Variants in CIMAP1D observed in about 807,000 individuals in gnomAD.
CIMAP1D encodes the protein protein CIMAP1D.
At chr19:481,770 CTTTT>C in the CIMAP1D span, among the ~76,000 whole-genome samples, 8 of 106,760 alleles carry the variant, frequency 7.5e-5, no homozygotes, top group Admixed American at 2.9e-4. Context: ...GAACCTCCTA[CTTTT>C]TTTTTTTTTT....
chr19:488,047 A>T, the CIMAP1D span, among the ~76,000 whole-genome samples: 5 of 151,868 alleles, frequency 3.3e-5, no homozygotes, highest in Admixed American at 6.6e-5. Context: ...CGACCCTCTC[A>T]CGCGGACCCC....
At chr19:464,104 G>A in the CIMAP1D span, 3 of 1,298,140 alleles carry the variant, frequency 2.3e-6, no homozygotes, top group Non-Finnish European at 2.0e-6. Context: ...TACTGGCCCG[G>A]GCCTGGTATC....
chr19:471,800 T>A, the CIMAP1D span, among the ~76,000 whole-genome samples: 8 of 151,980 alleles, frequency 5.3e-5, no homozygotes, highest in African/African-American at 1.9e-4. Context: ...TGGAGTGCAG[T>A]GGCGCCATCT....
At chr19:483,024 C>T in the CIMAP1D span, among the ~76,000 whole-genome samples, 13 of 152,296 alleles carry the variant, frequency 8.5e-5, no homozygotes, top group African/African-American at 2.4e-4. Context: ...CTCTGAAAAA[C>T]GGGCATATGT....
the CIMAP1D span, among the ~76,000 whole-genome samples, chr19:486,224 G>A: frequency 6.6e-6 from 1 of 152,154 alleles, no homozygotes; most frequent in African/African-American, 2.4e-5. Flanking sequence ...GCTGGAGAGG[G>A]GTCCTAGTGG....
the CIMAP1D span, among the ~76,000 whole-genome samples, chr19:471,763 G>C: frequency 1.3e-5 from 2 of 148,588 alleles, no homozygotes; most frequent in African/African-American, 5.0e-5. Flanking sequence ...TCTTTTTAGA[G>C]ACAGAGTCTC....
the CIMAP1D span, among the ~76,000 whole-genome samples, chr19:483,172 C>T: frequency 3.9e-5 from 6 of 152,044 alleles, no homozygotes; most frequent in Admixed American, 1.3e-4. Context: ...CCCCTGGGGC[C>T]GCTTCCTGGA....
At chr19:487,318 G>A in the CIMAP1D span, among the ~76,000 whole-genome samples, 1 of 152,138 alleles carries the variant, frequency 6.6e-6, no homozygotes, top group Non-Finnish European at 1.5e-5. Flanking sequence ...TGGAGAGCCA[G>A]CTGTTCAACA....
At chr19:487,339 C>G in the CIMAP1D span, among the ~76,000 whole-genome samples, 1 of 152,170 alleles carries the variant, frequency 6.6e-6, no homozygotes, top group African/African-American at 2.4e-5. Context: ...TTTCTCCGCA[C>G]AGCACCACTT....
At chr19:464,201 G>T in the CIMAP1D span, 3 of 1,513,596 alleles carry the variant, frequency 2.0e-6, no homozygotes, top group Non-Finnish European at 2.7e-6. Flanking sequence ...AGATCTGTGA[G>T]CCCCACAGAG....
At chr19:469,557 G>A in the CIMAP1D span, among the ~76,000 whole-genome samples, 1 of 152,092 alleles carries the variant, frequency 6.6e-6, no homozygotes, top group African/African-American at 2.4e-5. Flanking sequence ...GGGCGTGGTG[G>A]CGGGCGCCTG....
chr19:470,241 C>G, the CIMAP1D span, among the ~76,000 whole-genome samples: 1 of 146,342 alleles, frequency 6.8e-6, no homozygotes, highest in Non-Finnish European at 1.5e-5. Context: ...GAGTCTCGCT[C>G]TCTCACCCAG....
At chr19:469,223 C>T in the CIMAP1D span, among the ~76,000 whole-genome samples, 29,320 of 143,210 alleles carry the variant, frequency 0.2, 5,497 homozygotes, top group African/African-American at 0.47. Flanking sequence ...TGGGGAGATT[C>T]TTTTTTTTTT....
At chr19:480,476 G>GGGGAAGGATGAT in the CIMAP1D span, among the ~76,000 whole-genome samples, 3,036 of 143,512 alleles carry the variant, frequency 0.021, 261 homozygotes, top group South Asian at 0.16. Flanking sequence ...GAAGGATGAT[G>GGGGAAGGATGAT]GGGAAGGATG....
chr19:485,887 C>T, the CIMAP1D span, among the ~76,000 whole-genome samples: 2 of 152,238 alleles, frequency 1.3e-5, no homozygotes, highest in African/African-American at 4.8e-5. Flanking sequence ...ATCTGCCACT[C>T]CCCACTTCCC....
At chr19:485,899 G>A in the CIMAP1D span, among the ~76,000 whole-genome samples, 2 of 152,162 alleles carry the variant, frequency 1.3e-5, no homozygotes, top group African/African-American at 4.8e-5. Flanking sequence ...CCACTTCCCT[G>A]AGGCTGCTCA....
chr19:477,701 C>T, the CIMAP1D span, among the ~76,000 whole-genome samples: 1 of 152,220 alleles, frequency 6.6e-6, no homozygotes, highest in Non-Finnish European at 1.5e-5. Context: ...CTCGCTCTGT[C>T]GCCCAGGCTG....
the CIMAP1D span, among the ~76,000 whole-genome samples, chr19:465,062 G>A: frequency 6.6e-6 from 1 of 150,878 alleles, no homozygotes; most frequent in Non-Finnish European, 1.5e-5. Context: ...ATGATGGATG[G>A]ATGGATGGGT....
the CIMAP1D span, among the ~76,000 whole-genome samples, chr19:479,114 G>A: frequency 4.6e-5 from 7 of 152,210 alleles, no homozygotes; most frequent in South Asian, 4.1e-4. Flanking sequence ...TGAGTAGACA[G>A]CAAACTGTTC....
Sources: allele counts gnomAD v4.1 joint callset (sites outside exome capture counted in the v4.1 genomes callset), GRCh38; gene constraint gnomAD v4.1.1; transcripts MANE v1.5; gene names NCBI Gene and HGNC (gene_info 2026-07-23, HGNC 2026-07-21).